TYW1B: variants seen among roughly 807,000 people sequenced by gnomAD.
The protein encoded by TYW1B is S-adenosyl-L-methionine-dependent tRNA 4-demethylwyosine synthase TYW1B.
Under a neutral mutation model 86.9 loss-of-function variants are expected in TYW1B, and 73 were observed. That is an observed-to-expected ratio of 0.84 (90% CI 0.70 to 1.02). TYW1B has a LOEUF of 1.02. Ranked by LOEUF, TYW1B falls within the 50% of genes least tolerant of loss-of-function variation. The pLI, the probability that TYW1B is intolerant of heterozygous loss-of-function variation, is 0.00. For synonymous variants in TYW1B, 248 were observed against 292.8 expected (o/e 0.85, Z 1.56); for missense variants, 637 against 827.4 (o/e 0.77, Z 2.82).
intron 7 of TYW1B, among the ~76,000 whole-genome samples, chr7:72,746,829 A>G: frequency 6.6e-6 from 1 of 152,154 alleles, no homozygotes; most frequent in East Asian, 1.9e-4. Flanking sequence ...TGAAGGACTA[A>G]AAGGATTTTT....
chr7:72,688,086 T>C (rs1554449745), intron 11 of TYW1B, among the ~76,000 whole-genome samples: 2 of 152,178 alleles, frequency 1.3e-5, no homozygotes, highest in South Asian at 2.1e-4. Flanking sequence ...ATGATTTCAA[T>C]TTTATAAGTG....
At chr7:72,627,512 T>TAAATAAAATA (rs57361877) in intron 12 of TYW1B, among the ~76,000 whole-genome samples, 41 of 143,284 alleles carry the variant, frequency 2.9e-4, no homozygotes, top group East Asian at 4.4e-4. Flanking sequence ...TAACATAACA[T>TAAATAAAATA]AAATAAAATA....
At position 72,628,676 on chromosome 7, in the gene TYW1B, AT is replaced by A. The variant is rs566585923; in HGVS notation, c.1617+210del. On this transcript the variant is annotated intron_variant, in intron 12 of 13. Transcript: ENST00000620995. ...ATCCTCCCACTAAAATACTAGCTTT[AT>A]AAGAGCAAGAGCTTGGTCTTCTTGA... Among the ~76,000 whole-genome samples, 611 of 152,176 alleles carry A rather than the reference AT, an allele frequency of 4.0e-3. 2 individuals are homozygous for A. Among genetic ancestry groups the A allele is most frequent in the African/African-American group, 0.014 (580 of 41,510 alleles).
intron 13 of TYW1B, among the ~76,000 whole-genome samples, chr7:72,610,534 T>C (rs1324567003): frequency 6.6e-6 from 1 of 151,996 alleles, no homozygotes; most frequent in African/African-American, 2.4e-5. Flanking sequence ...ACCACTCTCA[T>C]TCATCACAGC....
At chr7:72,771,414 A>C (rs1406751229) in intron 7 of TYW1B, among the ~76,000 whole-genome samples, 1 of 152,238 alleles carries the variant, frequency 6.6e-6, no homozygotes, top group Non-Finnish European at 1.5e-5. Context: ...GAGTTGGTGA[A>C]TATAGGTTCT....
chr7:72,603,505 T>C (rs1439579834), intron 13 of TYW1B, among the ~76,000 whole-genome samples: 2 of 152,192 alleles, frequency 1.3e-5, no homozygotes, highest in Non-Finnish European at 2.9e-5. Flanking sequence ...ATAACTTACA[T>C]AGATACTCTG....
At chr7:72,622,443 T>C (rs1284555827) in intron 12 of TYW1B, among the ~76,000 whole-genome samples, 1 of 152,200 alleles carries the variant, frequency 6.6e-6, no homozygotes, top group African/African-American at 2.4e-5. Context: ...GAGATATTCT[T>C]ATGCTAATTT....
At chr7:72,649,822 T>C (rs1813017464) in intron 11 of TYW1B, among the ~76,000 whole-genome samples, 1 of 152,116 alleles carries the variant, frequency 6.6e-6, no homozygotes, top group Non-Finnish European at 1.5e-5. Flanking sequence ...GTCCCAAATA[T>C]TACAGCAAAT....
At chr7:72,674,182 T>C (rs372790059) in intron 11 of TYW1B, among the ~76,000 whole-genome samples, 3 of 152,100 alleles carry the variant, frequency 2.0e-5, no homozygotes, top group Admixed American at 2.0e-4. Context: ...CAGCCCATTC[T>C]CAGAAAGTCA....
At chr7:72,752,375 A>G (rs1484995129) in intron 7 of TYW1B, among the ~76,000 whole-genome samples, 1 of 152,206 alleles carries the variant, frequency 6.6e-6, no homozygotes, top group African/African-American at 2.4e-5. Flanking sequence ...AATACAAAAC[A>G]TTCTGTATTA....
At chr7:72,815,340 A>G (rs782621054) in intron 3 of TYW1B, 40 bp downstream of exon 3, 1 of 1,532,248 alleles carries the variant, frequency 6.5e-7, no homozygotes, top group African/African-American at 1.4e-5. Context: ...AGATCAGTTA[A>G]ATTTGAGAGT....
At chr7:72,663,529 C>T (rs371140967) in intron 11 of TYW1B, among the ~76,000 whole-genome samples, 5 of 151,744 alleles carry the variant, frequency 3.3e-5, no homozygotes, top group African/African-American at 9.7e-5. Context: ...GAGGCCGAAG[C>T]GGGCAGATCA....
chr7:72,822,550 A>G (rs1174270748), intron 2 of TYW1B, among the ~76,000 whole-genome samples: 1 of 152,252 alleles, frequency 6.6e-6, no homozygotes, highest in Non-Finnish European at 1.5e-5. Context: ...CAATACTAAC[A>G]TGCTGGAAGA....
intron 11 of TYW1B, among the ~76,000 whole-genome samples, chr7:72,675,171 G>C: frequency 6.6e-6 from 1 of 152,006 alleles, no homozygotes. Context: ...GGCCGGGGTG[G>C]GTGGATCACC....
At chr7:72,703,328 A>G (rs1328184863) in intron 10 of TYW1B, among the ~76,000 whole-genome samples, 4 of 151,734 alleles carry the variant, frequency 2.6e-5, no homozygotes, top group Non-Finnish European at 5.9e-5. Context: ...CCAGCTTATC[A>G]GTATATTTTC....
At chr7:72,603,826 C>T (rs1188570388) in intron 13 of TYW1B, among the ~76,000 whole-genome samples, 13 of 152,190 alleles carry the variant, frequency 8.5e-5, no homozygotes, top group African/African-American at 3.1e-4. Flanking sequence ...TAGGGCATTC[C>T]ACAAAATCCC....
chr7:72,632,389 TATATATATATAATATATATATAC>T (rs1563038716), intron 11 of TYW1B, among the ~76,000 whole-genome samples: 2 of 92,202 alleles, frequency 2.2e-5, no homozygotes, highest in Non-Finnish European at 3.7e-5. Context: ...TATATATACG[TATATATATATAATATATATATAC>T]ATATATATAT....
intron 6 of TYW1B, among the ~76,000 whole-genome samples, chr7:72,784,329 G>A (rs191825612): frequency 1.8e-3 from 281 of 152,338 alleles, no homozygotes; most frequent in African/African-American, 6.4e-3. Flanking sequence ...TGGAGTCCAG[G>A]CTTGAGGCTG....
chr7:72,798,283 C>T (rs563845831), intron 6 of TYW1B, among the ~76,000 whole-genome samples: 20 of 151,808 alleles, frequency 1.3e-4, no homozygotes, highest in African/African-American at 3.1e-4. Flanking sequence ...CCCAGCTACT[C>T]GGGAGGCTGA....
Sources: allele counts gnomAD v4.1 joint callset (sites outside exome capture counted in the v4.1 genomes callset), GRCh38; gene constraint gnomAD v4.1.1; transcripts MANE v1.5; gene names NCBI Gene and HGNC (gene_info 2026-07-23, HGNC 2026-07-21).